The following MARK1 variants were observed in gnomAD, a reference collection of about 807,000 sequenced individuals.
The protein encoded by MARK1 is microtubule affinity regulating kinase 1, also known as serine/threonine-protein kinase MARK1.
MARK1 carries 40 observed loss-of-function variants against 96.3 expected under a neutral mutation model. That is an observed-to-expected ratio of 0.42 (90% CI 0.32 to 0.54). The LOEUF (loss-of-function observed/expected upper bound fraction) is 0.54, where lower values mean the gene tolerates loss of function less well. MARK1 is among the 20% of genes least tolerant of loss of function. MARK1 has a pLI of 0.16. For missense variants in MARK1, 719 were observed against 984.6 expected (o/e 0.73, Z 3.61); for synonymous variants, 317 against 341.2 (o/e 0.93, Z 0.78).
chr1:220,614,370 A>G (rs923595187), intron 6 of MARK1, among the ~76,000 whole-genome samples: 2 of 152,008 alleles, frequency 1.3e-5, no homozygotes, highest in Non-Finnish European at 2.9e-5. Flanking sequence ...CCAGATCTCC[A>G]CATTTTAAAA....
chr1:220,623,194 G>A (rs1017329659), intron 9 of MARK1, among the ~76,000 whole-genome samples: 3 of 151,978 alleles, frequency 2.0e-5, no homozygotes, highest in Admixed American at 1.3e-4. Context: ...ACCCAGACTC[G>A]GGTTACATGA....
chr1:220,632,315 TA>T lies in MARK1; in HGVS notation c.1122+4del. On this transcript the variant is annotated splice_donor_region_variant and intron_variant, in intron 11 of 17. Coordinates refer to ENST00000366917, the MANE Select transcript of MARK1 (RefSeq NM_018650.5). The stretch of plus-strand genomic sequence containing the variant: ...CTTCTAGGTAGAAAACCACCTGAAG[TA>T]AGTTTTTCACCTTTTCAGATTACTG... 2 of 1,381,118 alleles carry T rather than the reference TA, an allele frequency of 1.4e-6. No individual in the cohort carries two copies. Among genetic ancestry groups the T allele is most frequent in the Non-Finnish European group, 2.0e-6 (2 of 1,007,082 alleles). The allele number at this position is 1,381,118 out of a possible 1,614,324, so 85.6% of individuals were successfully genotyped here.
rs73105458 is a variant in MARK1, at chr1:220,619,871, G to A, written c.909+1116G>A. On this transcript the variant is annotated intron_variant, in intron 9 of 17. Coordinates refer to ENST00000366917, the MANE Select transcript of MARK1 (RefSeq NM_018650.5). ...TATTTACCTTAATAGAAAGGGTAGAGAATTCAGAGAATTAACCTCATATAA... is the reference window on the plus strand; with the variant it reads ...TATTTACCTTAATAGAAAGGGTAGAAAATTCAGAGAATTAACCTCATATAA... 2.5e-3 allele frequency among the ~76,000 whole-genome samples: 381 copies of A among 152,296 alleles called. 3 individuals carry two copies. Among genetic ancestry groups the A allele is most frequent in the African/African-American group, 8.5e-3 (355 of 41,560 alleles).
chr1:220,552,751 G>A (rs546900537), intron 1 of MARK1, among the ~76,000 whole-genome samples: 8 of 152,248 alleles, frequency 5.3e-5, no homozygotes, highest in Non-Finnish European at 1.2e-4. Context: ...CTGTTCCAAT[G>A]AGAATAGACA....
intron 1 of MARK1, 150 bp from the exon 2 acceptor site, chr1:220,579,204 A>T: frequency 1.6e-6 from 1 of 630,290 alleles, no homozygotes. Flanking sequence ...AGTCCAGAAG[A>T]AATTATAAAT....
intron 9 of MARK1, among the ~76,000 whole-genome samples, chr1:220,622,103 G>T (rs1335333571): frequency 6.6e-6 from 1 of 152,152 alleles, no homozygotes; most frequent in African/African-American, 2.4e-5. Flanking sequence ...CTCTCATAAT[G>T]AGGGCATTAT....
intron 13 of MARK1, among the ~76,000 whole-genome samples, chr1:220,647,570 T>G (rs1668648332): frequency 6.6e-6 from 1 of 152,166 alleles, no homozygotes; most frequent in Admixed American, 6.5e-5. Flanking sequence ...TATAAATCAT[T>G]CTGTTATAAA....
At chr1:220,611,562 C>T (rs536702968) in intron 6 of MARK1, among the ~76,000 whole-genome samples, 1 of 152,292 alleles carries the variant, frequency 6.6e-6, no homozygotes, top group African/African-American at 2.4e-5. Context: ...CCGTGGGCTG[C>T]ACCCACTGTC....
At position 220,653,223 on chromosome 1, in the gene MARK1, G is replaced by A; in HGVS notation, c.1859G>A (p.Arg620Gln). The change falls in exon 16 of 18, where the codon CGG (arginine) becomes CAG (glutamine). Residue 620 changes from arginine (R) to glutamine (Q), a missense_variant. Arg to Gln is a conservative substitution (Grantham distance 43, BLOSUM62 1). Coordinates refer to ENST00000366917, the MANE Select transcript of MARK1 (RefSeq NM_018650.5). ...AGCACTTTCCATGGTGAACAGCTCC[G>A]GGAGCGACGCAGCGTTGCTTATAAT... Reference protein sequence around the residue: ...SRSTFHGEQLRERRSVAYNGP... With the variant: ...SRSTFHGEQLQERRSVAYNGP... The A allele has an allele frequency of 1.9e-6, 3 of 1,614,206 alleles. No individual in the cohort carries two copies. Among genetic ancestry groups the A allele is most frequent in the South Asian group, 1.1e-5 (1 of 91,080 alleles).
At chr1:220,661,660 A>G in intron 17 of MARK1, 152 bp from the exon 18 acceptor site, 1 of 587,434 alleles carries the variant, frequency 1.7e-6, no homozygotes, top group South Asian at 2.5e-5. Context: ...CAGCAAGATA[A>G]CATAAATCTT....
In MARK1 at chr1:220,579,437, C is replaced by T; in HGVS notation, c.135C>T (p.Asn45=). 1 of 1,614,024 alleles carries T rather than the reference C, an allele frequency of 6.2e-7. No homozygotes were observed. Among genetic ancestry groups the T allele is most frequent in the East Asian group, 2.2e-5 (1 of 44,864 alleles). The change falls in exon 2 of 18, where the codon AAC becomes AAT. Residue 45 remains asparagine, a synonymous_variant. Transcript: ENST00000366917. The part of the protein sequence containing the change: ...SSRQNIPRCR[N]SITSATDEQP... ...GACAGAACATCCCCCGGTGTAGAAA[C>T]TCCATTACGTCAGCAACAGATGAAC...
chr1:220,637,890 T>C (rs1668056483), intron 13 of MARK1, among the ~76,000 whole-genome samples: 1 of 152,064 alleles, frequency 6.6e-6, no homozygotes, highest in Non-Finnish European at 1.5e-5. Flanking sequence ...TGCGCAAAAT[T>C]CCAAGTGGCT....
intron 5 of MARK1, among the ~76,000 whole-genome samples, chr1:220,600,224 A>G (rs1228333569): frequency 1.3e-5 from 2 of 152,192 alleles, no homozygotes; most frequent in Non-Finnish European, 2.9e-5. Context: ...ATTTAATAAA[A>G]TCTATAATAA....
At chr1:220,660,030 GCCACCT>G (rs1669390333) in intron 17 of MARK1, among the ~76,000 whole-genome samples, 2 of 152,262 alleles carry the variant, frequency 1.3e-5, no homozygotes, top group South Asian at 4.1e-4. Context: ...TCATGGTCCT[GCCACCT>G]TGGCCTCCCA....
chr1:220,528,917 C>A lies in MARK1; in HGVS notation c.51+44C>A, dbSNP rs73101847. On this transcript the variant is annotated intron_variant, in intron 1 of 17. Coordinates refer to ENST00000366917, the MANE Select transcript of MARK1 (RefSeq NM_018650.5). ...CCTCGGGAGCAGTGGGGGCGAGACC[C>A]TCCTCTGATCCCCACTTCACCCGCG... is the stretch of plus-strand genomic sequence containing the variant. 5 of 1,510,920 alleles carry A rather than the reference C, an allele frequency of 3.3e-6. No individual in the cohort carries two copies. In the South Asian group the frequency reaches 5.0e-5, roughly 15 times the overall value. The allele number at this position is 1,510,920 out of a possible 1,614,324, so 93.6% of individuals were successfully genotyped here. A position where few individuals can be genotyped will look rare whatever the true frequency, so the allele number is the denominator to read the frequency against.
At chr1:220,556,485 C>CA (rs55808704) in intron 1 of MARK1, among the ~76,000 whole-genome samples, 25,783 of 85,840 alleles carry the variant, frequency 0.3, 3,466 homozygotes, top group Middle Eastern at 0.33. Flanking sequence ...GGGACTGTCA[C>CA]AAAAAAAAAA....
chr1:220,532,024 G>A (rs1572030241), intron 1 of MARK1, among the ~76,000 whole-genome samples: 2 of 151,686 alleles, frequency 1.3e-5, no homozygotes, highest in East Asian at 3.9e-4. Context: ...TTAGTATTTG[G>A]GAAAAACTCC....
At chr1:220,629,210 T>G (rs1667530143) in intron 9 of MARK1, among the ~76,000 whole-genome samples, 1 of 152,138 alleles carries the variant, frequency 6.6e-6, no homozygotes, top group South Asian at 2.1e-4. Flanking sequence ...AATTAATATA[T>G]CAGCACCTAA....
intron 3 of MARK1, among the ~76,000 whole-genome samples, chr1:220,586,094 A>G (rs928994788): frequency 1.6e-4 from 24 of 152,152 alleles, no homozygotes; most frequent in African/African-American, 4.8e-5. Context: ...ACGTCTGTGA[A>G]TATGCTATCC....
Sources: gnomAD v4.1 joint callset for allele counts (sites outside exome capture counted in the v4.1 genomes callset) on GRCh38, gnomAD v4.1.1 for gene constraint, MANE v1.5 for transcripts, NCBI Gene and HGNC (gene_info 2026-07-23, HGNC 2026-07-21) for gene names.